The following PRUNE2 variants were observed in gnomAD, a reference collection of about 807,000 sequenced individuals.
PRUNE2 encodes the protein protein prune homolog 2.
In PRUNE2, 164 loss-of-function variants were observed where a neutral mutation model predicts 252.0. That is an observed-to-expected ratio of 0.65 (90% CI 0.57 to 0.74). PRUNE2 has a LOEUF of 0.74. PRUNE2 is among the 30% of genes least tolerant of loss of function. The probability of loss-of-function intolerance (pLI) is 0.00; values close to 1 mark genes in which losing one functional copy is unlikely to be tolerated. For synonymous variants in PRUNE2, 1,292 were observed against 1,350.2 expected, an observed-to-expected ratio of 0.96 and a Z score of 0.94; for missense variants, 3,495 against 3,711.0, an observed-to-expected ratio of 0.94 and a Z score of 1.51.
chr9:76,813,625 G>A (rs1407413368), intron 6 of PRUNE2, among the ~76,000 whole-genome samples: 4 of 152,138 alleles, frequency 2.6e-5, no homozygotes, highest in African/African-American at 7.2e-5. Flanking sequence ...TCAGTTTCTT[G>A]TAAAGGGAGA....
chr9:76,786,188 G>T (rs980010015), intron 6 of PRUNE2: 3 of 151,978 alleles, frequency 2.0e-5, no homozygotes, highest in African/African-American at 4.8e-5. Context: ...GACAGCTCAG[G>T]TGCTTTCACT....
intron 6 of PRUNE2, among the ~76,000 whole-genome samples, chr9:76,742,599 T>C (rs534997711): frequency 5.5e-4 from 83 of 150,678 alleles, no homozygotes; most frequent in African/African-American, 1.9e-3. Flanking sequence ...GCCTGGGTGA[T>C]AAGGTGAAAC....
intron 6 of PRUNE2, among the ~76,000 whole-genome samples, chr9:76,780,187 C>T (rs966462850): frequency 3.9e-5 from 6 of 152,098 alleles, no homozygotes; most frequent in South Asian, 2.1e-4. Flanking sequence ...AACTGGTTAG[C>T]GATAGCTACA....
intron 4 of PRUNE2, among the ~76,000 whole-genome samples, chr9:76,834,844 C>G (rs1318991918): frequency 6.6e-6 from 1 of 152,140 alleles, no homozygotes; most frequent in African/African-American, 2.4e-5. Context: ...CATTAGAAAC[C>G]CATTTAGTTA....
chr9:76,888,858 T>G (rs1451916501), intron 1 of PRUNE2, among the ~76,000 whole-genome samples: 2 of 151,950 alleles, frequency 1.3e-5, no homozygotes, highest in African/African-American at 4.8e-5. Context: ...TGTTGTTGTT[T>G]TTGAGACGGA....
intron 9 of PRUNE2, among the ~76,000 whole-genome samples, chr9:76,683,875 T>C (rs980888937): frequency 2.0e-5 from 3 of 151,490 alleles, no homozygotes; most frequent in African/African-American, 7.3e-5. Flanking sequence ...TATATACACA[T>C]ATGTATTTGC....
chr9:76,637,392 G>C, intron 14 of PRUNE2, 26 bp downstream of exon 14: 4 of 1,610,958 alleles, frequency 2.5e-6, no homozygotes, highest in Non-Finnish European at 3.4e-6. Context: ...AATCAAAATA[G>C]TGATTAAATA....
chr9:76,643,491 A>G (rs917656504), intron 12 of PRUNE2, among the ~76,000 whole-genome samples: 1 of 152,190 alleles, frequency 6.6e-6, no homozygotes, highest in Non-Finnish European at 1.5e-5. Flanking sequence ...GTTTTCACAT[A>G]AAAACAAAAG....
chr9:76,757,847 A>G (rs2051300418), intron 6 of PRUNE2, among the ~76,000 whole-genome samples: 1 of 151,916 alleles, frequency 6.6e-6, no homozygotes, highest in Non-Finnish European at 1.5e-5. Flanking sequence ...CTGAGGCAGG[A>G]GGATCCCTGG....
intron 1 of PRUNE2, among the ~76,000 whole-genome samples, chr9:76,888,133 A>T (rs116134033): frequency 0.018 from 2,750 of 152,352 alleles, 73 homozygotes; most frequent in African/African-American, 0.061. Context: ...AGGCATGAAT[A>T]ATAAAGGAGG....
At chr9:76,650,960 A>G (rs1246727400) in intron 11 of PRUNE2, among the ~76,000 whole-genome samples, 1 of 152,142 alleles carries the variant, frequency 6.6e-6, no homozygotes, top group Non-Finnish European at 1.5e-5. Context: ...TTGTCAATAT[A>G]TTAGCAGGAA....
intron 17 of PRUNE2, among the ~76,000 whole-genome samples, chr9:76,620,499 A>G (rs1831805428): frequency 1.3e-5 from 2 of 152,120 alleles, no homozygotes; most frequent in Non-Finnish European, 2.9e-5. Context: ...AGCTTCTATG[A>G]TCCTTTTTAA....
chr9:76,737,143 T>C (rs961992139), intron 6 of PRUNE2: 9 of 152,232 alleles, frequency 5.9e-5, no homozygotes, highest in African/African-American at 2.2e-4. Flanking sequence ...TGCTCAATTG[T>C]AGCCTTGCTG....
intron 6 of PRUNE2, among the ~76,000 whole-genome samples, chr9:76,745,579 C>T (rs1362906869): frequency 6.6e-6 from 1 of 152,144 alleles, no homozygotes; most frequent in Non-Finnish European, 1.5e-5. Flanking sequence ...CCCAACCAAT[C>T]AGTAGCAAGC....
At chr9:76,778,578 C>T (rs1020895331) in intron 6 of PRUNE2, 4 of 152,158 alleles carry the variant, frequency 2.6e-5, no homozygotes, top group Non-Finnish European at 4.4e-5. Flanking sequence ...TGAAGTTTAG[C>T]CCAATTGTTT....
At chr9:76,683,306 C>T (rs1454599616) in intron 9 of PRUNE2, among the ~76,000 whole-genome samples, 1 of 152,122 alleles carries the variant, frequency 6.6e-6, no homozygotes, top group Non-Finnish European at 1.5e-5. Flanking sequence ...TTGCAGTTGA[C>T]TGTAATGTAA....
chr9:76,629,245 T>C lies in PRUNE2; in HGVS notation c.9096A>G (p.Glu3032=). ...AATCCATTGGGATCAGCCCACTGAG[T>C]TCTGATAAGCTATTGACATATTTAA... ...SKIKYVNSLS[E]LSGLIPMDCI... The change falls in exon 16 of 19, where the codon GAA becomes GAG. Residue 3032 remains glutamate (E), a synonymous_variant. Transcript: ENST00000376718. 6.2e-7 allele frequency: 1 copy of C among 1,605,938 alleles called. No individual in the cohort carries two copies. The highest frequency in any genetic ancestry group is 8.5e-7 in the Non-Finnish European group (1 of 1,176,542).
intron 9 of PRUNE2, chr9:76,691,969 G>A (rs991815598): frequency 3.0e-5 from 20 of 668,626 alleles, no homozygotes; most frequent in Admixed American, 4.4e-5. Flanking sequence ...CGTCTCCCCC[G>A]CCAACTTCCC....
intron 6 of PRUNE2, among the ~76,000 whole-genome samples, chr9:76,797,685 C>T (rs1321935756): frequency 6.6e-6 from 1 of 151,810 alleles, no homozygotes; most frequent in Non-Finnish European, 1.5e-5. Context: ...CACCCTGCCC[C>T]CCGCAACCAA....
Sources: allele counts gnomAD v4.1 joint callset (sites outside exome capture counted in the v4.1 genomes callset), GRCh38; gene constraint gnomAD v4.1.1; transcripts MANE v1.5; gene names NCBI Gene and HGNC (gene_info 2026-07-23, HGNC 2026-07-21).